CDC16: variants seen among roughly 807,000 people sequenced by gnomAD.
CDC16 encodes cell division cycle protein 16 homolog.
Under a neutral mutation model 87.0 loss-of-function variants are expected in CDC16, and 34 were observed. That is an observed-to-expected ratio of 0.39 (90% CI 0.30 to 0.52). CDC16 has a LOEUF of 0.52. Among genes scored for constraint, CDC16 ranks in the 20% least tolerant of loss-of-function variants. The pLI, the probability that CDC16 is intolerant of heterozygous loss-of-function variation, is 0.74. For missense variants in CDC16, 653 were observed against 751.9 expected (o/e 0.87, Z 1.54); for synonymous variants, 263 against 260.6 (o/e 1.01, Z -0.09).
At chr13:114,246,112 AACTCGTATTT>A in intron 10 of CDC16, 63 bp downstream of exon 10, 1 of 741,642 alleles carries the variant, frequency 1.3e-6, no homozygotes, top group East Asian at 2.8e-5. Flanking sequence ...GAAAATGCTT[AACTCGTATTT>A]AGACAATAGC....
intron 9 of CDC16, 39 bp downstream of exon 9, chr13:114,245,008 A>G: frequency 8.3e-7 from 1 of 1,210,766 alleles, no homozygotes; most frequent in East Asian, 2.4e-5. Context: ...TCTTAGACAT[A>G]AAACAAATCT....
chr13:114,264,553 T>G lies in CDC16; in HGVS notation c.1513-597T>G, dbSNP rs1047876072. Reference sequence around the variant, plus strand: ...CCAGCCTGGTGACAGAGCGAGACTCTGTCTCAAAAAAAAAGGAAAAAAATA... The same window carrying G: ...CCAGCCTGGTGACAGAGCGAGACTCGGTCTCAAAAAAAAAGGAAAAAAATA... On this transcript the variant is annotated intron_variant, in intron 16 of 17. Coordinates refer to ENST00000356221, the MANE Select transcript of CDC16 (RefSeq NM_001078645.3). Among the ~76,000 whole-genome samples the G allele has an allele frequency of 2.6e-5, 4 of 151,522 alleles. No homozygotes were observed. In the East Asian group the frequency reaches 7.9e-4, roughly 30 times the overall value.
At chr13:114,267,314 C>T (rs949840641) in intron 17 of CDC16, among the ~76,000 whole-genome samples, 4 of 150,472 alleles carry the variant, frequency 2.7e-5, no homozygotes, top group African/African-American at 9.9e-5. Flanking sequence ...ATGGTGAAAC[C>T]CTGCCCCTAC....
At position 114,260,927 on chromosome 13, in the gene CDC16, G is replaced by A. The variant is rs550070024; in HGVS notation, c.1315-960G>A. Among the ~76,000 whole-genome samples, 6 of 152,254 alleles carry A rather than the reference G, an allele frequency of 3.9e-5. No homozygotes were observed. The South Asian group carries it at 8.3e-4, about 21-fold the overall frequency. ...TGCCATAGGCTCTGAGCTAGGCCTT[G>A]GGATGCAAAGGGGAATGAGTTTACT... On this transcript the variant is annotated intron_variant, in intron 14 of 17. Coordinates refer to ENST00000356221, the MANE Select transcript of CDC16 (RefSeq NM_001078645.3).
intron 12 of CDC16, among the ~76,000 whole-genome samples, chr13:114,255,942 C>A (rs995094992): frequency 2.0e-5 from 3 of 152,198 alleles, no homozygotes; most frequent in African/African-American, 7.2e-5. Flanking sequence ...TAGGAGCTAC[C>A]AGACAGGTCA....
In CDC16 at chr13:114,235,056, G is replaced by T; in HGVS notation, c.-29G>T. 1 of 1,249,472 alleles carries T rather than the reference G, an allele frequency of 8.0e-7. No individual in the cohort carries two copies. The highest frequency in any genetic ancestry group is 1.0e-6 in the Non-Finnish European group (1 of 997,896). The allele number at this position is 1,249,472 out of a possible 1,614,324, so 77.4% of individuals were successfully genotyped here. A position where few individuals can be genotyped will look rare whatever the true frequency, so the allele number is the denominator to read the frequency against. ...CAGGAGGCGCGCGCCTAGCGGCGGAGTGTGGCGTGAGGCCGGGCCCGCGCC... is the reference window on the plus strand; with the variant it reads ...CAGGAGGCGCGCGCCTAGCGGCGGATTGTGGCGTGAGGCCGGGCCCGCGCC... On this transcript the variant is annotated 5_prime_UTR_variant, in exon 1 of 18. Coordinates refer to ENST00000356221, the MANE Select transcript of CDC16 (RefSeq NM_001078645.3).
At chr13:114,254,804 A>T (rs1566664296) in intron 12 of CDC16, among the ~76,000 whole-genome samples, 1 of 152,212 alleles carries the variant, frequency 6.6e-6, no homozygotes, top group South Asian at 2.1e-4. Context: ...AGACTGGTTC[A>T]GGCCATGATG....
chr13:114,253,583 G>A (rs574943555), intron 12 of CDC16, among the ~76,000 whole-genome samples: 1 of 152,000 alleles, frequency 6.6e-6, no homozygotes, highest in South Asian at 2.1e-4. Flanking sequence ...CCAGCTACTC[G>A]GGAGGCTGAG....
chr13:114,239,084 TCTCTTAAATATGTGTGA>T, intron 4 of CDC16, 56 bp downstream of exon 4: 1 of 911,984 alleles, frequency 1.1e-6, no homozygotes, highest in South Asian at 2.4e-5. Flanking sequence ...GTGTTATGCA[TCTCTTAAATATGTGTGA>T]GAATTTTAGT....
chr13:114,239,060 G>A (rs778707521), intron 4 of CDC16, 32 bp downstream of exon 4: 20 of 1,605,932 alleles, frequency 1.2e-5, no homozygotes, highest in South Asian at 4.5e-5. Flanking sequence ...TTTTTATTTG[G>A]TTGAATAAAA....
chr13:114,268,902 T>A (rs1272816353), intron 17 of CDC16, among the ~76,000 whole-genome samples: 1 of 152,186 alleles, frequency 6.6e-6, no homozygotes, highest in Non-Finnish European at 1.5e-5. Context: ...GGTGTTGGTG[T>A]GATGTGGAGC....
At chr13:114,246,661 G>A (rs1220999627) in intron 10 of CDC16, among the ~76,000 whole-genome samples, 3 of 152,236 alleles carry the variant, frequency 2.0e-5, no homozygotes, top group Admixed American at 2.0e-4. Flanking sequence ...GAGATGAGCA[G>A]TGCAGGGGAG....
intron 7 of CDC16, 86 bp downstream of exon 7, chr13:114,243,434 A>G: frequency 1.4e-6 from 1 of 700,124 alleles, no homozygotes; most frequent in Non-Finnish European, 2.6e-6. Flanking sequence ...TTAAGTTTTC[A>G]AAATTAAAAC....
At chr13:114,270,823 AG>A (rs1434769610) in intron 17 of CDC16, among the ~76,000 whole-genome samples, 1 of 152,040 alleles carries the variant, frequency 6.6e-6, no homozygotes, top group Non-Finnish European at 1.5e-5. Context: ...CATTTGTTCA[AG>A]GGTGGGAAGT....
intron 3 of CDC16, 86 bp from the exon 4 acceptor site, chr13:114,238,904 G>T (rs2081396477): frequency 2.0e-6 from 3 of 1,472,616 alleles, no homozygotes; most frequent in East Asian, 2.3e-5. Flanking sequence ...TATGAAATTA[G>T]TTCTATTTTA....
chr13:114,247,575 T>A (rs1265522286), intron 11 of CDC16, among the ~76,000 whole-genome samples: 1 of 152,152 alleles, frequency 6.6e-6, no homozygotes, highest in Non-Finnish European at 1.5e-5. Flanking sequence ...CTACATATTT[T>A]ATTTATTAAT....
intron 14 of CDC16, among the ~76,000 whole-genome samples, chr13:114,259,787 G>T (rs2082729639): frequency 6.6e-6 from 1 of 152,208 alleles, no homozygotes; most frequent in South Asian, 2.1e-4. Flanking sequence ...AAGTATAGCA[G>T]CAGGTCCCAC....
rs1259128810 is a variant in CDC16, at chr13:114,260,752, GA to G, written c.1315-1134del. On this transcript the variant is annotated intron_variant, in intron 14 of 17. Transcript: ENST00000356221. ...ATTAGAAACTGCAGCAAATGTCAAA[GA>G]GAAACAGTCATGCCTAAGAGTCATT... Among the ~76,000 whole-genome samples the G allele has an allele frequency of 5.9e-5, 9 of 152,302 alleles. No individual in the cohort carries two copies. The East Asian group carries it at 1.7e-3, about 29-fold the overall frequency.
At chr13:114,271,071 G>A (rs60748532) in intron 17 of CDC16, among the ~76,000 whole-genome samples, 2,614 of 151,718 alleles carry the variant, frequency 0.017, 49 homozygotes, top group African/African-American at 0.045. Flanking sequence ...ACAGGCGCCC[G>A]CCACTATGCC....
Sources: allele counts gnomAD v4.1 joint callset (sites outside exome capture counted in the v4.1 genomes callset), GRCh38; gene constraint gnomAD v4.1.1; transcripts MANE v1.5; gene names NCBI Gene and HGNC (gene_info 2026-07-23, HGNC 2026-07-21).